Variants in HS6ST3 observed in about 807,000 individuals in gnomAD.
HS6ST3 encodes heparan-sulfate 6-O-sulfotransferase 3.
HS6ST3 carries 12 observed loss-of-function variants against 36.7 expected under a neutral mutation model. The ratio of observed to expected loss-of-function variants is 0.33; its 90% CI spans 0.21 to 0.53. The LOEUF is 0.53. HS6ST3 is among the 20% of genes least tolerant of loss of function. HS6ST3 has a pLI of 0.95. For missense variants in HS6ST3, 584 were observed against 640.9 expected (o/e 0.91, Z 0.96); for synonymous variants, 240 against 257.5 (o/e 0.93, Z 0.65).
At chr13:96,710,158 A>G (rs917161430) in intron 1 of HS6ST3, among the ~76,000 whole-genome samples, 2 of 152,258 alleles carry the variant, frequency 1.3e-5, no homozygotes, top group South Asian at 2.1e-4. Flanking sequence ...TTTCCCTACT[A>G]TATATCATTA....
At chr13:96,314,973 A>T (rs1480410298) in intron 1 of HS6ST3, among the ~76,000 whole-genome samples, 1 of 152,182 alleles carries the variant, frequency 6.6e-6, no homozygotes, top group African/African-American at 2.4e-5. Flanking sequence ...AATATCAACA[A>T]AGCAGAATGT....
intron 1 of HS6ST3, among the ~76,000 whole-genome samples, chr13:96,238,120 A>C (rs886456818): frequency 3.9e-5 from 6 of 152,164 alleles, no homozygotes; most frequent in African/African-American, 1.4e-4. Context: ...TCCTTATCTC[A>C]GTAAAGACTA....
At chr13:96,521,345 T>C (rs986561849) in intron 1 of HS6ST3, among the ~76,000 whole-genome samples, 38 of 152,150 alleles carry the variant, frequency 2.5e-4, no homozygotes, top group Non-Finnish European at 4.3e-4. Context: ...GCTTTGGTAT[T>C]AGGATCATGC....
rs1312045801 is a variant in HS6ST3, at chr13:96,090,495, C to T, written c.-368C>T. On this transcript the variant is annotated 5_prime_UTR_variant, in exon 1 of 2. Coordinates refer to ENST00000376705, the MANE Select transcript of HS6ST3 (RefSeq NM_153456.4). ...GCGCGCGGCAGGTCCAGGACCCGAA[C>T]CCCGCTCCCCAGCGCCTGAGCGCCT... Among the ~76,000 whole-genome samples, 1 of 146,530 alleles carries T rather than the reference C, an allele frequency of 6.8e-6. No homozygotes were observed. Among genetic ancestry groups the T allele is most frequent in the Non-Finnish European group, 1.5e-5 (1 of 65,844 alleles).
chr13:96,185,887 C>A (rs913955169), intron 1 of HS6ST3, among the ~76,000 whole-genome samples: 3 of 152,078 alleles, frequency 2.0e-5, no homozygotes, highest in Non-Finnish European at 4.4e-5. Flanking sequence ...CAATGGGAAA[C>A]GTTTATTCGC....
chr13:96,382,211 G>C (rs1236139137), intron 1 of HS6ST3, among the ~76,000 whole-genome samples: 1 of 152,136 alleles, frequency 6.6e-6, no homozygotes, highest in Non-Finnish European at 1.5e-5. Flanking sequence ...GCTGTTCAAG[G>C]CCTTTTCAAT....
chr13:96,698,728 A>G (rs867372052), intron 1 of HS6ST3, among the ~76,000 whole-genome samples: 7 of 152,260 alleles, frequency 4.6e-5, no homozygotes, highest in African/African-American at 1.7e-4. Flanking sequence ...GCTACCAACA[A>G]CTTTCTTCAC....
In HS6ST3 at chr13:96,470,069, G is replaced by A. The variant is rs77206177; in HGVS notation, c.708-362421G>A. ...TATATTGAGTACCCTTGGAAAATGA[G>A]AGTTGTAAAAGAAAACCAACCCTGT... is the stretch of plus-strand genomic sequence containing the variant. On this transcript the variant is annotated intron_variant, in intron 1 of 1. Coordinates refer to ENST00000376705, the MANE Select transcript of HS6ST3 (RefSeq NM_153456.4). Among the ~76,000 whole-genome samples the A allele has an allele frequency of 3.2e-4, 49 of 152,168 alleles. 1 individual carries two copies. The East Asian group carries it at 9.1e-3, about 28-fold the overall frequency.
chr13:96,350,584 A>G (rs911113810), intron 1 of HS6ST3, among the ~76,000 whole-genome samples: 2 of 152,222 alleles, frequency 1.3e-5, no homozygotes, highest in Non-Finnish European at 1.5e-5. Flanking sequence ...TGCCTGCAGT[A>G]TAAGGCGCTA....
intron 1 of HS6ST3, among the ~76,000 whole-genome samples, chr13:96,641,583 T>C (rs1204510988): frequency 6.6e-6 from 1 of 151,900 alleles, no homozygotes; most frequent in Admixed American, 6.6e-5. Context: ...ACTAATGCCA[T>C]GTCCATTACA....
intron 1 of HS6ST3, among the ~76,000 whole-genome samples, chr13:96,146,111 G>T (rs2054056840): frequency 6.6e-6 from 1 of 152,056 alleles, no homozygotes; most frequent in African/African-American, 2.4e-5. Context: ...TTGTTCTTTT[G>T]GCTTAGGATT....
chr13:96,749,870 G>T (rs9582061), intron 1 of HS6ST3, among the ~76,000 whole-genome samples: 2 of 151,840 alleles, frequency 1.3e-5, no homozygotes, highest in South Asian at 4.1e-4. Flanking sequence ...AGTCATGTCT[G>T]TATGTATATA....
chr13:96,393,281 G>A (rs1006474246), intron 1 of HS6ST3, among the ~76,000 whole-genome samples: 2 of 152,156 alleles, frequency 1.3e-5, no homozygotes, highest in Non-Finnish European at 2.9e-5. Flanking sequence ...GGCTTGCTGT[G>A]TGAAGAATGG....
At chr13:96,266,120 C>T (rs2054691280) in intron 1 of HS6ST3, among the ~76,000 whole-genome samples, 1 of 152,140 alleles carries the variant, frequency 6.6e-6, no homozygotes, top group Admixed American at 6.5e-5. Context: ...TTAGTCTAGT[C>T]TGAATTTACT....
chr13:96,257,760 A>G (rs2054644180), intron 1 of HS6ST3, among the ~76,000 whole-genome samples: 1 of 152,336 alleles, frequency 6.6e-6, no homozygotes, highest in African/African-American at 2.4e-5. Context: ...TAAACATGGG[A>G]ATAAAGGAAA....
chr13:96,313,640 C>T (rs749971972), intron 1 of HS6ST3, among the ~76,000 whole-genome samples: 1 of 152,128 alleles, frequency 6.6e-6, no homozygotes, highest in Non-Finnish European at 1.5e-5. Flanking sequence ...TGTAATGTCC[C>T]CCATGATAGC....
chr13:96,800,453 A>T (rs1878039546), intron 1 of HS6ST3, among the ~76,000 whole-genome samples: 1 of 152,100 alleles, frequency 6.6e-6, no homozygotes, highest in South Asian at 2.1e-4. Flanking sequence ...TATCTGAACA[A>T]TTAGAGTATT....
chr13:96,516,384 G>A (rs776050059), intron 1 of HS6ST3, among the ~76,000 whole-genome samples: 2 of 152,042 alleles, frequency 1.3e-5, no homozygotes, highest in Non-Finnish European at 2.9e-5. Context: ...CTTTGTGGCT[G>A]ACAAATGCCC....
chr13:96,105,348 T>C (rs2053836795), intron 1 of HS6ST3, among the ~76,000 whole-genome samples: 4 of 152,150 alleles, frequency 2.6e-5, no homozygotes, highest in Non-Finnish European at 5.9e-5. Context: ...GACAATTCCT[T>C]ATAATTTAAG....
Sources: allele counts gnomAD v4.1 joint callset (sites outside exome capture counted in the v4.1 genomes callset), GRCh38; gene constraint gnomAD v4.1.1; transcripts MANE v1.5; gene names NCBI Gene and HGNC (gene_info 2026-07-23, HGNC 2026-07-21).